BMPR1A: variants seen among roughly 807,000 people sequenced by gnomAD.
The protein encoded by BMPR1A is bone morphogenetic protein receptor type 1A.
Under a neutral mutation model 66.0 loss-of-function variants are expected in BMPR1A, and 7 were observed. The ratio of observed to expected loss-of-function variants is 0.11; its 90% CI spans 0.06 to 0.20. The LOEUF is 0.20. BMPR1A is among the 10% of genes least tolerant of loss of function. The probability of loss-of-function intolerance (pLI) is 1.00; values close to 1 mark genes in which losing one functional copy is unlikely to be tolerated. For missense variants in BMPR1A, 408 were observed against 669.1 expected, an observed-to-expected ratio of 0.61 and a Z score of 4.31; for synonymous variants, 200 against 229.7, an observed-to-expected ratio of 0.87 and a Z score of 1.17.
At chr10:86,913,369 T>C (rs1843519904) in intron 8 of BMPR1A, among the ~76,000 whole-genome samples, 1 of 150,808 alleles carries the variant, frequency 6.6e-6, no homozygotes. Context: ...CCTCAACTGA[T>C]CCTTCCACCT....
At chr10:86,882,897 C>T (rs1172421601) in intron 3 of BMPR1A, among the ~76,000 whole-genome samples, 3 of 151,500 alleles carry the variant, frequency 2.0e-5, no homozygotes, top group Non-Finnish European at 4.4e-5. Flanking sequence ...ACCTGGGAGG[C>T]GGAGGTTGCC....
chr10:86,805,156 A>G (rs977614860), intron 1 of BMPR1A, among the ~76,000 whole-genome samples: 1 of 152,234 alleles, frequency 6.6e-6, no homozygotes, highest in East Asian at 1.9e-4. Context: ...TTACCTCTGT[A>G]AAGACCCTAT....
At chr10:86,844,370 C>T (rs1181815080) in intron 2 of BMPR1A, among the ~76,000 whole-genome samples, 1 of 152,150 alleles carries the variant, frequency 6.6e-6, no homozygotes, top group Non-Finnish European at 1.5e-5. Flanking sequence ...ATAATTCAGA[C>T]ACCATTACCA....
rs971636078 is a variant in BMPR1A at position 86,900,092 on chromosome 10, G to A, written c.496G>A (p.Ala166Thr). ...LLISMAVCII[A>T]MIIFSSCFCY... is the part of the protein sequence containing the mutation. Reference sequence around the variant, plus strand: ...CATTTCTATGGCTGTCTGCATAATTGCTATGATCATCTTCTCCAGCTGCTT... The same window carrying A: ...CATTTCTATGGCTGTCTGCATAATTACTATGATCATCTTCTCCAGCTGCTT... The change falls in exon 7 of 13, where the codon GCT becomes ACT. Residue 166 changes from alanine to threonine, a missense_variant. Ala to Thr is a moderately conservative substitution (Grantham distance 58, BLOSUM62 0). Around this residue, in one of 5 missense-constraint regions of BMPR1A, gnomAD observed 174 missense variants for 265.1 expected, o/e 0.66. Coordinates refer to ENST00000372037, the MANE Select transcript of BMPR1A (RefSeq NM_004329.3). The A allele has an allele frequency of 6.2e-7, 1 of 1,613,964 alleles. No individual in the cohort carries two copies.
In BMPR1A at chr10:86,921,569, C is replaced by T. The variant is rs587781332; in HGVS notation, c.1216C>T (p.Arg406Cys). 75 of 1,614,008 alleles carry T rather than the reference C, an allele frequency of 4.6e-5. No individual in the cohort carries two copies. Among genetic ancestry groups the T allele is most frequent in the Non-Finnish European group, 1.9e-5 (23 of 1,180,002 alleles). The change falls in exon 11 of 13, where the codon CGC (arginine) becomes TGC (cysteine). Residue 406 changes from arginine (R) to cysteine (C), a missense_variant. Transcript: ENST00000372037. The stretch of plus-strand genomic sequence containing the variant: ...CTTGAATACCAGGGTGGGCACCAAA[C>T]GCTACATGGCTCCCGAAGTGCTGGA... ...VPLNTRVGTK[R>C]YMAPEVLDES... is the part of the protein sequence containing the mutation.
chr10:86,869,321 G>A (rs1842823993), intron 2 of BMPR1A, among the ~76,000 whole-genome samples: 1 of 151,984 alleles, frequency 6.6e-6, no homozygotes, highest in Non-Finnish European at 1.5e-5. Flanking sequence ...AGCTGGACGT[G>A]GTGGTGCGTA....
At chr10:86,767,603 A>G (rs934410285) in intron 1 of BMPR1A, among the ~76,000 whole-genome samples, 5 of 152,198 alleles carry the variant, frequency 3.3e-5, no homozygotes, top group Non-Finnish European at 5.9e-5. Flanking sequence ...GCTTGAGCCC[A>G]GGAGTTCGAG....
intron 1 of BMPR1A, among the ~76,000 whole-genome samples, chr10:86,804,790 G>GTTTTTTTTTTT (rs1491151530): frequency 1.0e-5 from 1 of 97,500 alleles, no homozygotes; most frequent in Non-Finnish European, 2.1e-5. Flanking sequence ...ATGTTTGTAG[G>GTTTTTTTTTTT]TGTTTTTTTT....
intron 5 of BMPR1A, among the ~76,000 whole-genome samples, chr10:86,898,218 C>A (rs1843254561): frequency 6.6e-6 from 1 of 151,662 alleles, no homozygotes; most frequent in Non-Finnish European, 1.5e-5. Context: ...TACTTTCTTT[C>A]CCTTTTAAAG....
intron 1 of BMPR1A, among the ~76,000 whole-genome samples, chr10:86,838,259 A>G (rs1842379138): frequency 1.3e-5 from 2 of 152,148 alleles, no homozygotes; most frequent in Non-Finnish European, 2.9e-5. Flanking sequence ...TTTAAGCTTT[A>G]ATAGTTCTAT....
chr10:86,860,550 A>T (rs1453653588), intron 2 of BMPR1A, among the ~76,000 whole-genome samples: 1 of 152,050 alleles, frequency 6.6e-6, no homozygotes, highest in Non-Finnish European at 1.5e-5. Context: ...CTGGTGGATC[A>T]CCCGAGATCA....
chr10:86,861,153 C>A (rs547266361), intron 2 of BMPR1A, among the ~76,000 whole-genome samples: 2 of 152,256 alleles, frequency 1.3e-5, no homozygotes, highest in African/African-American at 4.8e-5. Context: ...GAACTTCTTA[C>A]AACACCCTAA....
intron 3 of BMPR1A, among the ~76,000 whole-genome samples, chr10:86,885,025 T>C (rs1327315809): frequency 6.6e-6 from 1 of 152,248 alleles, no homozygotes; most frequent in Non-Finnish European, 1.5e-5. Flanking sequence ...TTTCTATGCT[T>C]TCTGGCCCTG....
At chr10:86,896,491 ATATAT>A (rs1843226272) in intron 5 of BMPR1A, among the ~76,000 whole-genome samples, 1 of 152,204 alleles carries the variant, frequency 6.6e-6, no homozygotes, top group Non-Finnish European at 1.5e-5. Context: ...GTGGACAGTT[ATATAT>A]TACTTTAGGA....
intron 5 of BMPR1A, among the ~76,000 whole-genome samples, chr10:86,893,795 A>G (rs977026981): frequency 2.0e-5 from 3 of 152,012 alleles, no homozygotes; most frequent in Non-Finnish European, 4.4e-5. Context: ...CTCAAAAAAA[A>G]AAAAGAAAAG....
At chr10:86,930,557 C>G (rs1271474313), downstream of BMPR1A, 1 of 152,222 alleles carries the variant, frequency 6.6e-6, no homozygotes, top group Non-Finnish European at 1.5e-5. Context: ...GGATTATAGG[C>G]GTGAGCCACT....
At chr10:86,921,120 C>G (rs773215336) in intron 10 of BMPR1A, among the ~76,000 whole-genome samples, 2 of 152,120 alleles carry the variant, frequency 1.3e-5, no homozygotes, top group Non-Finnish European at 2.9e-5. Context: ...TCCCAAAGTG[C>G]TGAGATTACA....
At chr10:86,892,858 G>A (rs1284002584) in intron 5 of BMPR1A, among the ~76,000 whole-genome samples, 1 of 128,124 alleles carries the variant, frequency 7.8e-6, no homozygotes, top group African/African-American at 3.1e-5. Flanking sequence ...GCAAGACCCT[G>A]TCTCAAAAAA....
intron 2 of BMPR1A, among the ~76,000 whole-genome samples, chr10:86,845,718 A>G (rs1026641122): frequency 2.0e-5 from 3 of 152,108 alleles, no homozygotes; most frequent in African/African-American, 7.2e-5. Context: ...GAAATATCTA[A>G]CAGGTGCAGT....
Sources: gnomAD v4.1 joint callset for allele counts (sites outside exome capture counted in the v4.1 genomes callset) on GRCh38, gnomAD v4.1.1 for gene constraint, gnomAD v4.1.1 regional missense constraint, MANE v1.5 for transcripts, NCBI Gene and HGNC (gene_info 2026-07-23, HGNC 2026-07-21) for gene names.